PAX5: variants seen among roughly 807,000 people sequenced by gnomAD.
The protein encoded by PAX5 is paired box 5.
Under a neutral mutation model 43.7 loss-of-function variants are expected in PAX5, and 9 were observed. The observed-to-expected ratio is 0.21, with a 90% CI of 0.12 to 0.36. The LOEUF (loss-of-function observed/expected upper bound fraction) is 0.36. Ranked by LOEUF, PAX5 falls within the 10% of genes least tolerant of loss-of-function variation. The pLI is 1.00. For synonymous variants in PAX5, 228 were observed against 214.3 expected (o/e 1.06, Z -0.56); for missense variants, 383 against 532.7 (o/e 0.72, Z 2.77).
Position 37,030,449 on chromosome 9 carries a change from C to A in PAX5, c.46+3537G>T, listed in dbSNP as rs1840869223. 2.0e-5 allele frequency among the ~76,000 whole-genome samples: 3 copies of A among 152,220 alleles called. No homozygotes were observed. The South Asian group carries it at 6.2e-4, about 32-fold the overall frequency. ...AGTCCTGTCTCTGAACGCCCACGAG[C>A]CGCAGCCTGGGTCCAGGAGAGCGAG... On this transcript the variant is annotated intron_variant, in intron 1 of 9. Coordinates refer to ENST00000358127, the MANE Select transcript of PAX5 (RefSeq NM_016734.3).
At chr9:36,907,419 C>A (rs934822242) in intron 7 of PAX5, among the ~76,000 whole-genome samples, 1 of 152,162 alleles carries the variant, frequency 6.6e-6, no homozygotes, top group African/African-American at 2.4e-5. Context: ...GAGGCCATAG[C>A]CAGGCTCCAA....
chr9:36,850,432 C>G (rs952086232), intron 8 of PAX5, among the ~76,000 whole-genome samples: 1 of 152,222 alleles, frequency 6.6e-6, no homozygotes, highest in Admixed American at 6.5e-5. Context: ...GAAGGACATT[C>G]TTGGGGAAGG....
intron 6 of PAX5, among the ~76,000 whole-genome samples, chr9:36,949,817 A>G (rs1350167690): frequency 6.6e-6 from 1 of 152,144 alleles, no homozygotes; most frequent in Non-Finnish European, 1.5e-5. Flanking sequence ...ATCCTACCAC[A>G]GCATCTCCTC....
At chr9:36,880,342 A>C (rs1826297836) in intron 8 of PAX5, among the ~76,000 whole-genome samples, 1 of 152,256 alleles carries the variant, frequency 6.6e-6, no homozygotes, top group South Asian at 2.1e-4. Context: ...AGGGATGCAC[A>C]CACCAGTGAC....
chr9:37,000,724 T>C (rs988091410), intron 5 of PAX5, among the ~76,000 whole-genome samples: 1 of 152,242 alleles, frequency 6.6e-6, no homozygotes, highest in Non-Finnish European at 1.5e-5. Context: ...AGGGCACTCA[T>C]TACCTCCCGA....
chr9:37,021,664 A>G (rs533221017), intron 1 of PAX5, among the ~76,000 whole-genome samples: 1 of 152,340 alleles, frequency 6.6e-6, no homozygotes, highest in South Asian at 2.1e-4. Context: ...GAGCCCGAGA[A>G]AGTGCCTCCT....
At position 36,892,812 on chromosome 9, in the gene PAX5, T is replaced by C. The variant is rs147074284; in HGVS notation, c.911-10707A>G. On this transcript the variant is annotated intron_variant, in intron 7 of 9. Transcript: ENST00000358127. ...AGAAACAATGAGGTAGATTTGATTG[T>C]GGAAATTGTGGAGCGATCTCCAAGG... Among the ~76,000 whole-genome samples, 3 of 152,350 alleles carry C rather than the reference T, an allele frequency of 2.0e-5. No homozygotes were observed. The East Asian group carries it at 5.8e-4, about 29-fold the overall frequency.
chr9:37,026,825 C>T (rs1269213652), intron 1 of PAX5: 7 of 610,870 alleles, frequency 1.1e-5, no homozygotes, highest in Non-Finnish European at 1.4e-5. Context: ...TGGCTTCCCT[C>T]CCTGGCTGGC....
At chr9:36,867,592 G>A (rs374784419) in intron 8 of PAX5, among the ~76,000 whole-genome samples, 21 of 152,314 alleles carry the variant, frequency 1.4e-4, no homozygotes, top group African/African-American at 4.6e-4. Context: ...TGGCCACAGC[G>A]GTCAGAAACC....
intron 3 of PAX5, among the ~76,000 whole-genome samples, chr9:37,006,965 T>G (rs1838454257): frequency 6.6e-6 from 1 of 152,196 alleles, no homozygotes; most frequent in Non-Finnish European, 1.5e-5. Flanking sequence ...CTGAACTTGG[T>G]AATCTCTCTG....
chr9:36,994,368 C>T (rs1288989378), intron 5 of PAX5, among the ~76,000 whole-genome samples: 1 of 152,208 alleles, frequency 6.6e-6, no homozygotes, highest in Admixed American at 6.5e-5. Context: ...GACTACCCTA[C>T]CTGCAGGGTA....
chr9:36,945,865 C>T (rs542046712), intron 6 of PAX5, among the ~76,000 whole-genome samples: 1 of 152,334 alleles, frequency 6.6e-6, no homozygotes, highest in African/African-American at 2.4e-5. Context: ...CCTCACAGGG[C>T]TGTTGAGAGA....
At chr9:36,847,639 G>T (rs1822719614) in intron 8 of PAX5, among the ~76,000 whole-genome samples, 1 of 152,232 alleles carries the variant, frequency 6.6e-6, no homozygotes, top group Admixed American at 6.5e-5. Flanking sequence ...GCTGTTGGCA[G>T]CTGTGGGCGT....
rs562420343 is a variant in PAX5 at position 37,030,189 on chromosome 9, C to T, written c.46+3797G>A. On this transcript the variant is annotated intron_variant, in intron 1 of 9. Transcript: ENST00000358127. Reference sequence around the variant, plus strand: ...CTTACCTGTGCACCCAGAGCAGCCCCTTCCCGCAACTCTCGGCGTTCTTGG... The same window carrying T: ...CTTACCTGTGCACCCAGAGCAGCCCTTTCCCGCAACTCTCGGCGTTCTTGG... 7.9e-5 allele frequency among the ~76,000 whole-genome samples: 12 copies of T among 152,326 alleles called. No homozygotes were observed. The South Asian group carries it at 2.3e-3, about 29-fold the overall frequency.
chr9:36,839,828 C>A lies in PAX5; in HGVS notation c.*732G>T. On this transcript the variant is annotated 3_prime_UTR_variant, in exon 10 of 10. Transcript: ENST00000358127. ...TTGATCTGGAAAAGAGCTGCTGATACTGCATCGGTCCCAGAGAAATGGAGG... is the reference window on the plus strand; with the variant it reads ...TTGATCTGGAAAAGAGCTGCTGATAATGCATCGGTCCCAGAGAAATGGAGG... 4.3e-6 allele frequency: 1 copy of A among 233,672 alleles called. No individual in the cohort carries two copies. 14.5% of individuals were successfully genotyped at this position (233,672 alleles called of 1,614,324 possible). A position where few individuals can be genotyped will look rare whatever the true frequency, so the allele number is the denominator to read the frequency against.
chr9:36,884,039 TTTTG>T, intron 7 of PAX5, among the ~76,000 whole-genome samples: 1 of 152,332 alleles, frequency 6.6e-6, no homozygotes, highest in East Asian at 1.9e-4. Flanking sequence ...TTGGGAAAGT[TTTTG>T]TTTGTTATTC....
chr9:37,010,077 A>C (rs564301472), intron 3 of PAX5, among the ~76,000 whole-genome samples: 2 of 152,372 alleles, frequency 1.3e-5, no homozygotes, highest in East Asian at 3.9e-4. Context: ...TAGTGGGAAG[A>C]ACAAGACTGT....
chr9:36,971,343 G>A (rs1347254777), intron 5 of PAX5, among the ~76,000 whole-genome samples: 1 of 152,220 alleles, frequency 6.6e-6, no homozygotes. Context: ...TATGCTCAGA[G>A]ACAGCTATAA....
chr9:36,902,028 C>T (rs1563948692), intron 7 of PAX5, among the ~76,000 whole-genome samples: 1 of 152,158 alleles, frequency 6.6e-6, no homozygotes, highest in Non-Finnish European at 1.5e-5. Context: ...GGAGGGCTCC[C>T]ATCCCCTCCC....
Sources: gnomAD v4.1 joint callset for allele counts (sites outside exome capture counted in the v4.1 genomes callset) on GRCh38, gnomAD v4.1.1 for gene constraint, MANE v1.5 for transcripts, NCBI Gene and HGNC (gene_info 2026-07-23, HGNC 2026-07-21) for gene names.